The following SERGEF variants were observed in gnomAD, a reference collection of about 807,000 sequenced individuals.
SERGEF encodes secretion regulating guanine nucleotide exchange factor.
Under a neutral mutation model 50.0 loss-of-function variants are expected in SERGEF, and 51 were observed. The ratio of observed to expected loss-of-function variants is 1.02; its 90% CI spans 0.81 to 1.29. The LOEUF (loss-of-function observed/expected upper bound fraction) is 1.29, where lower values mean the gene tolerates loss of function less well. Among genes scored for constraint, SERGEF ranks in the 50% most tolerant of loss-of-function variants. SERGEF has a pLI of 0.00. For synonymous variants in SERGEF, 205 were observed against 212.4 expected, an observed-to-expected ratio of 0.97 and a Z score of 0.30; for missense variants, 521 against 557.0, an observed-to-expected ratio of 0.94 and a Z score of 0.65.
In SERGEF at chr11:17,866,729, C is replaced by G. The variant is rs565120773; in HGVS notation, c.1048+11479G>C. On this transcript the variant is annotated intron_variant, in intron 10 of 10. Coordinates refer to ENST00000265965, the MANE Select transcript of SERGEF (RefSeq NM_012139.4). ...ACCATTTTATTAGTCTGTTTTAACACTGTTAATAAAGACAACCCAAGACTG... is the reference window on the plus strand; with the variant it reads ...ACCATTTTATTAGTCTGTTTTAACAGTGTTAATAAAGACAACCCAAGACTG... 4 of 152,260 alleles carry G rather than the reference C, an allele frequency of 2.6e-5. No homozygotes were observed. In the South Asian group the frequency reaches 6.2e-4, roughly 24 times the overall value. 9.4% of individuals were successfully genotyped at this position (152,260 alleles called of 1,614,324 possible).
At chr11:17,940,179 T>C (rs1241157955) in intron 9 of SERGEF, among the ~76,000 whole-genome samples, 1 of 152,072 alleles carries the variant, frequency 6.6e-6, no homozygotes, top group African/African-American at 2.4e-5. Flanking sequence ...GAAGTTAGAA[T>C]AGCACGTTTC....
intron 9 of SERGEF, among the ~76,000 whole-genome samples, chr11:17,920,112 T>G (rs957204415): frequency 6.6e-5 from 10 of 150,484 alleles, no homozygotes; most frequent in African/African-American, 2.5e-4. Context: ...CTGGGCATGG[T>G]GGCACGCGCC....
intron 8 of SERGEF, among the ~76,000 whole-genome samples, chr11:17,965,820 T>C (rs1238820694): frequency 6.6e-6 from 1 of 152,190 alleles, no homozygotes; most frequent in Non-Finnish European, 1.5e-5. Context: ...TACTGAAAAC[T>C]ACCATTCACT....
At chr11:17,897,611 G>A (rs970246516) in intron 9 of SERGEF, among the ~76,000 whole-genome samples, 1 of 152,168 alleles carries the variant, frequency 6.6e-6, no homozygotes. Flanking sequence ...CCACTGTGCC[G>A]AGTGAAAGAA....
At chr11:17,964,948 G>A (rs1853086913) in intron 8 of SERGEF, among the ~76,000 whole-genome samples, 1 of 152,204 alleles carries the variant, frequency 6.6e-6, no homozygotes, top group African/African-American at 2.4e-5. Flanking sequence ...CCTGTACAAG[G>A]AGCAGGAAAC....
intron 8 of SERGEF, among the ~76,000 whole-genome samples, chr11:17,972,073 T>C (rs1322299611): frequency 1.3e-5 from 2 of 152,222 alleles, no homozygotes; most frequent in Non-Finnish European, 2.9e-5. Context: ...ATCAAACTTG[T>C]AGGGTTGAGG....
At chr11:17,894,878 C>T (rs1851592406) in intron 9 of SERGEF, among the ~76,000 whole-genome samples, 2 of 152,176 alleles carry the variant, frequency 1.3e-5, no homozygotes, top group African/African-American at 4.8e-5. Context: ...AACAGAATGG[C>T]CTCCCAAAAC....
chr11:17,834,005 G>A (rs1016145895), intron 10 of SERGEF, among the ~76,000 whole-genome samples: 1 of 152,164 alleles, frequency 6.6e-6, no homozygotes, highest in Admixed American at 6.5e-5. Context: ...TGTTGGGAAG[G>A]CATGATTGGT....
At chr11:18,007,173 T>C (rs563510192) in intron 2 of SERGEF, among the ~76,000 whole-genome samples, 5 of 152,358 alleles carry the variant, frequency 3.3e-5, no homozygotes, top group Admixed American at 2.0e-4. Context: ...AAAGATAATA[T>C]AGTAACAATG....
intron 9 of SERGEF, among the ~76,000 whole-genome samples, chr11:17,887,829 A>G (rs1851459450): frequency 6.6e-6 from 1 of 152,234 alleles, no homozygotes; most frequent in Non-Finnish European, 1.5e-5. Flanking sequence ...TAGTTCATTC[A>G]GAATACTTTA....
intron 10 of SERGEF, chr11:17,856,170 T>G (rs948754597): frequency 6.6e-6 from 1 of 152,348 alleles, no homozygotes; most frequent in Non-Finnish European, 1.5e-5. Context: ...ACTGACAATT[T>G]AAAGGCAATA....
At chr11:17,828,463 C>G (rs1280620400) in intron 10 of SERGEF, among the ~76,000 whole-genome samples, 4 of 152,228 alleles carry the variant, frequency 2.6e-5, no homozygotes, top group South Asian at 2.1e-4. Flanking sequence ...CTACTCCACA[C>G]AGCGCACGGC....
chr11:17,839,707 T>C (rs1850466850), intron 10 of SERGEF, among the ~76,000 whole-genome samples: 1 of 152,154 alleles, frequency 6.6e-6, no homozygotes, highest in Non-Finnish European at 1.5e-5. Flanking sequence ...CACGCGCACA[T>C]GCCACAGGGC....
At chr11:17,993,759 T>C (rs977764884) in intron 6 of SERGEF, among the ~76,000 whole-genome samples, 18 of 152,140 alleles carry the variant, frequency 1.2e-4, no homozygotes, top group African/African-American at 4.1e-4. Context: ...TTTTCACCCA[T>C]GTTCACCAGA....
chr11:17,922,343 T>C (rs1443682082), intron 9 of SERGEF, among the ~76,000 whole-genome samples: 1 of 152,152 alleles, frequency 6.6e-6, no homozygotes, highest in Non-Finnish European at 1.5e-5. Context: ...GGATTATTCA[T>C]CAAGGTACCA....
At chr11:17,918,661 C>CAT (rs1337885770) in intron 9 of SERGEF, 80 of 446,366 alleles carry the variant, frequency 1.8e-4, no homozygotes, top group Non-Finnish European at 3.3e-4. Flanking sequence ...CATACACACA[C>CAT]ACTCTCTCTC....
chr11:17,920,895 A>G (rs1278152859), intron 9 of SERGEF, among the ~76,000 whole-genome samples: 1 of 152,250 alleles, frequency 6.6e-6, no homozygotes, highest in Non-Finnish European at 1.5e-5. Flanking sequence ...TCTCCAGTGA[A>G]GCAGTTTCTA....
intron 10 of SERGEF, among the ~76,000 whole-genome samples, chr11:17,869,087 C>A (rs144244684): frequency 6.6e-6 from 1 of 152,224 alleles, no homozygotes; most frequent in African/African-American, 2.4e-5. Flanking sequence ...CTGACCCTGG[C>A]CACGTATCCC....
intron 9 of SERGEF, among the ~76,000 whole-genome samples, chr11:17,898,099 A>G (rs1851680404): frequency 6.6e-6 from 1 of 152,226 alleles, no homozygotes; most frequent in African/African-American, 2.4e-5. Flanking sequence ...ATGATAATTT[A>G]ACACTATTAA....
Sources: allele counts gnomAD v4.1 joint callset (sites outside exome capture counted in the v4.1 genomes callset), GRCh38; gene constraint gnomAD v4.1.1; transcripts MANE v1.5; gene names NCBI Gene and HGNC (gene_info 2026-07-23, HGNC 2026-07-21).